ROBO1: variants seen among roughly 807,000 people sequenced by gnomAD.
ROBO1 encodes the protein roundabout homolog 1.
In ROBO1, 149 loss-of-function variants were observed where a neutral mutation model predicts 195.9. The observed-to-expected ratio is 0.76, with a 90% confidence interval of 0.67 to 0.87. The LOEUF (loss-of-function observed/expected upper bound fraction) is 0.87, where lower values mean the gene tolerates loss of function less well. Among genes scored for constraint, ROBO1 ranks in the 40% least tolerant of loss-of-function variants. The pLI is 0.00. For missense variants in ROBO1, 1,933 were observed against 2,068.3 expected (o/e 0.93, Z 1.27); for synonymous variants, 816 against 733.2 (o/e 1.11, Z -1.82).
intron 26 of ROBO1, among the ~76,000 whole-genome samples, chr3:78,619,695 G>C (rs1053722051): frequency 3.2e-4 from 48 of 151,992 alleles, no homozygotes; most frequent in Non-Finnish European, 2.4e-4. Context: ...GGCAAAGGAT[G>C]TCTGGGAATG....
chr3:79,687,775 C>T (rs181960961), intron 1 of ROBO1, among the ~76,000 whole-genome samples: 1 of 152,082 alleles, frequency 6.6e-6, no homozygotes, highest in Non-Finnish European at 1.5e-5. Context: ...GCTGGTGGGA[C>T]CGTAAACTAG....
chr3:79,026,767 A>G (rs185619872), intron 3 of ROBO1, among the ~76,000 whole-genome samples: 17 of 152,190 alleles, frequency 1.1e-4, no homozygotes, highest in Non-Finnish European at 1.9e-4. Context: ...TTGGGATCAT[A>G]GTTAACAGCT....
chr3:79,007,452 T>G (rs1409943593), intron 3 of ROBO1, among the ~76,000 whole-genome samples: 2 of 152,172 alleles, frequency 1.3e-5, no homozygotes, highest in African/African-American at 4.8e-5. Context: ...AGGGATTCTC[T>G]GATAGATTGA....
chr3:78,801,575 T>C (rs2084373240), intron 4 of ROBO1, among the ~76,000 whole-genome samples: 1 of 152,098 alleles, frequency 6.6e-6, no homozygotes, highest in Non-Finnish European at 1.5e-5. Flanking sequence ...AAAAATATAA[T>C]TGCTGTAAAT....
intron 2 of ROBO1, among the ~76,000 whole-genome samples, chr3:79,233,049 C>T (rs778957511): frequency 2.6e-5 from 4 of 151,550 alleles, no homozygotes; most frequent in Non-Finnish European, 5.9e-5. Context: ...ATAAAATAGC[C>T]CCTAAAAGAA....
chr3:79,106,573 T>C (rs1000038093), intron 3 of ROBO1, among the ~76,000 whole-genome samples: 5 of 151,684 alleles, frequency 3.3e-5, no homozygotes, highest in Non-Finnish European at 1.5e-5. Context: ...GCATTTATTA[T>C]GTTAAGAATG....
At chr3:78,970,010 A>C (rs534449798) in intron 3 of ROBO1, among the ~76,000 whole-genome samples, 1 of 152,282 alleles carries the variant, frequency 6.6e-6, no homozygotes, top group Non-Finnish European at 1.5e-5. Context: ...TACATAGGGG[A>C]AAGAGAATGA....
intron 2 of ROBO1, among the ~76,000 whole-genome samples, chr3:79,143,244 C>A (rs1490507743): frequency 2.0e-5 from 3 of 152,018 alleles, no homozygotes; most frequent in Non-Finnish European, 4.4e-5. Context: ...ACCCGACAGC[C>A]TAACACCTGG....
At position 79,422,056 on chromosome 3, in the gene ROBO1, T is replaced by TTTATATATAAAAATATATATTTTAATGTA. The variant is rs1343645444; in HGVS notation, c.88+167739_88+167767dup. ...GTGACCAATGAGTTAAAATGTATAT[T>TTTATATATAAAAATATATATTTTAATGTA]TTATATATAAAAATATATATTTTAA... On this transcript the variant is annotated intron_variant, in intron 2 of 30. Transcript: ENST00000464233. 2.7e-5 allele frequency among the ~76,000 whole-genome samples: 4 copies of TTTATATATAAAAATATATATTTTAATGTA among 148,894 alleles called. No individual in the cohort carries two copies. The East Asian group carries it at 5.8e-4, about 22-fold the overall frequency.
chr3:78,746,778 C>G lies in ROBO1; in HGVS notation c.622G>C (p.Gly208Arg). The change falls in exon 5 of 31, where the codon GGC becomes CGC. Residue 208 changes from glycine to arginine, a missense_variant. Transcript: ENST00000464233. ...TCATCTTTATCATCCAGTGGAGAGC[C>G]ATCTTTCTTCCATGAAATGGTGGGC... Reference protein sequence around the residue: ...PEPTISWKKDGSPLDDKDERI... With the variant: ...PEPTISWKKDRSPLDDKDERI... 2 of 1,573,874 alleles carry G rather than the reference C, an allele frequency of 1.3e-6. No individual in the cohort carries two copies. The highest frequency in any genetic ancestry group is 8.7e-7 in the Non-Finnish European group (1 of 1,153,908).
At chr3:79,040,655 C>T (rs2078470417) in intron 3 of ROBO1, among the ~76,000 whole-genome samples, 1 of 152,112 alleles carries the variant, frequency 6.6e-6, no homozygotes, top group African/African-American at 2.4e-5. Flanking sequence ...TATGTATCTG[C>T]TGTTGTTATT....
chr3:79,399,173 G>C (rs2037267097), intron 2 of ROBO1, among the ~76,000 whole-genome samples: 1 of 152,102 alleles, frequency 6.6e-6, no homozygotes, highest in South Asian at 2.1e-4. Flanking sequence ...AGAAATGTGA[G>C]AAGTCATAAG....
chr3:78,682,699 A>G (rs543052186), intron 10 of ROBO1, among the ~76,000 whole-genome samples: 2 of 147,802 alleles, frequency 1.4e-5, no homozygotes, highest in Admixed American at 1.4e-4. Flanking sequence ...ACACAGTAAT[A>G]TCAAAAAATA....
chr3:79,326,397 A>G (rs1030698988), intron 2 of ROBO1, among the ~76,000 whole-genome samples: 3 of 152,172 alleles, frequency 2.0e-5, no homozygotes, highest in Non-Finnish European at 2.9e-5. Flanking sequence ...TGTCTCCCCC[A>G]GACGACCAGC....
intron 29 of ROBO1, 100 bp downstream of exon 29, chr3:78,606,633 T>C: frequency 8.1e-7 from 1 of 1,228,672 alleles, no homozygotes; most frequent in Non-Finnish European, 1.2e-6. Context: ...AGAGCAAACT[T>C]CTTAATCTTA....
intron 2 of ROBO1, among the ~76,000 whole-genome samples, chr3:79,567,940 G>C (rs1943143754): frequency 6.6e-6 from 1 of 151,994 alleles, no homozygotes; most frequent in Non-Finnish European, 1.5e-5. Flanking sequence ...AAAAAAGTAT[G>C]GATTTTATTA....
chr3:79,629,533 A>AAAATACAG (rs1220861413), intron 1 of ROBO1, among the ~76,000 whole-genome samples: 2 of 152,060 alleles, frequency 1.3e-5, no homozygotes, highest in Non-Finnish European at 2.9e-5. Flanking sequence ...TGCCTACATC[A>AAAATACAG]AAATACAGAA....
intron 4 of ROBO1, among the ~76,000 whole-genome samples, chr3:78,934,629 G>T (rs1340461892): frequency 6.6e-6 from 1 of 151,886 alleles, no homozygotes; most frequent in Non-Finnish European, 1.5e-5. Flanking sequence ...CTGTGAAGGA[G>T]TTAGTTCTAA....
chr3:79,117,102 A>G (rs1279045194), intron 3 of ROBO1, among the ~76,000 whole-genome samples: 1 of 151,918 alleles, frequency 6.6e-6, no homozygotes, highest in East Asian at 1.9e-4. Context: ...TAAATAAAAG[A>G]GCAGAAGTAA....
Sources: gnomAD v4.1 joint callset for allele counts (sites outside exome capture counted in the v4.1 genomes callset) on GRCh38, gnomAD v4.1.1 for gene constraint, MANE v1.5 for transcripts, NCBI Gene and HGNC (gene_info 2026-07-23, HGNC 2026-07-21) for gene names.